CAPN13: variants seen among roughly 807,000 people sequenced by gnomAD.
The protein encoded by CAPN13 is calpain-13.
Under a neutral mutation model 98.4 loss-of-function variants are expected in CAPN13, and 90 were observed. The observed-to-expected ratio is 0.92, with a 90% confidence interval of 0.77 to 1.09. The LOEUF (loss-of-function observed/expected upper bound fraction) is 1.09, where lower values mean the gene tolerates loss of function less well. Ranked by LOEUF, CAPN13 falls within the 50% of genes least tolerant of loss-of-function variation. The pLI is 0.00. For missense variants in CAPN13, 887 were observed against 841.3 expected, an observed-to-expected ratio of 1.05 and a Z score of -0.67; for synonymous variants, 330 against 305.5, an observed-to-expected ratio of 1.08 and a Z score of -0.84.
chr2:30,732,874 GC>G (rs1307607749), intron 19 of CAPN13, among the ~76,000 whole-genome samples: 9 of 152,160 alleles, frequency 5.9e-5, no homozygotes, highest in African/African-American at 2.2e-4. Context: ...GTTGCTTCTA[GC>G]TCTGCCTCTG....
intron 8 of CAPN13, among the ~76,000 whole-genome samples, chr2:30,756,435 G>A (rs1205270001): frequency 6.6e-6 from 1 of 152,132 alleles, no homozygotes; most frequent in Admixed American, 6.5e-5. Context: ...CCAGCCCACG[G>A]GAAGCTTCTC....
chr2:30,739,092 T>C (rs1558614067), intron 15 of CAPN13, among the ~76,000 whole-genome samples: 1 of 152,176 alleles, frequency 6.6e-6, no homozygotes, highest in African/African-American at 2.4e-5. Context: ...TGGCCTCAAC[T>C]TCTGGGGCAG....
chr2:30,746,829 G>A (rs1194038327), intron 11 of CAPN13: 1 of 152,888 alleles, frequency 6.5e-6, no homozygotes, highest in Non-Finnish European at 1.5e-5. Flanking sequence ...CAAGAGGAAG[G>A]AAACTGAGGC....
At chr2:30,758,789 T>C (rs115967308) in intron 7 of CAPN13, among the ~76,000 whole-genome samples, 62,622 of 107,620 alleles carry the variant, frequency 0.58, 16,440 homozygotes, top group African/African-American at 0.66. Context: ...TCCCTCCCTT[T>C]CCTTTCCTTC....
rs138897439 is a variant in CAPN13, at chr2:30,727,107, C to T, written c.*30+3623G>A. 1.1e-4 allele frequency among the ~76,000 whole-genome samples: 16 copies of T among 152,180 alleles called. 1 individual carries two copies. Among genetic ancestry groups the T allele is most frequent in the African/African-American group, 3.6e-4 (15 of 41,522 alleles). ...ACAGGAGAATGAATAGTTTTTTCAG[C>T]AACTGGTGCTGGGACAAATGAATGA... On this transcript the variant is annotated intron_variant, in intron 22 of 22. Coordinates refer to ENST00000295055, the MANE Select transcript of CAPN13 (RefSeq NM_144575.3).
chr2:30,745,851 T>A lies in CAPN13; in HGVS notation c.1237-117A>T, dbSNP rs1353710853. On this transcript the variant is annotated intron_variant, in intron 11 of 22. Transcript: ENST00000295055. ...CCTGCATTCCTTCTCCTTTTCTTCCTCTCTTTTAAAGAATTTATTTTATAT... is the reference window on the plus strand; with the variant it reads ...CCTGCATTCCTTCTCCTTTTCTTCCACTCTTTTAAAGAATTTATTTTATAT... The A allele has an allele frequency of 6.4e-6, 5 of 775,248 alleles. No homozygotes were observed. In the East Asian group the frequency reaches 1.4e-4, roughly 22 times the overall value. 48.0% of individuals were successfully genotyped at this position (775,248 alleles called of 1,614,324 possible). A position where few individuals can be genotyped will look rare whatever the true frequency, so the allele number is the denominator to read the frequency against.
At chr2:30,798,675 A>G (rs985528732) in intron 1 of CAPN13, among the ~76,000 whole-genome samples, 2 of 152,228 alleles carry the variant, frequency 1.3e-5, no homozygotes, top group Non-Finnish European at 2.9e-5. Flanking sequence ...TTTCAGAACA[A>G]TGGAAATAAA....
At chr2:30,741,508 C>T in intron 15 of CAPN13, 1 of 1,045,088 alleles carries the variant, frequency 9.6e-7, no homozygotes, top group Non-Finnish European at 1.2e-6. Context: ...AGCAAGGATG[C>T]TGTATGTGCT....
chr2:30,764,127 C>T lies in CAPN13; in HGVS notation c.699+5G>A, dbSNP rs376404391. ...CTGGTGCAAAAGGGCTCCCCAGTGA[C>T]TTACCCCACTTGGAGTGGCACAGGT... On this transcript the variant is annotated splice_donor_5th_base_variant and intron_variant, in intron 6 of 22. Coordinates refer to ENST00000295055, the MANE Select transcript of CAPN13 (RefSeq NM_144575.3). 3.6e-5 allele frequency: 56 copies of T among 1,560,508 alleles called. No individual in the cohort carries two copies. The African/African-American group carries it at 7.2e-4, about 20-fold the overall frequency.
intron 5 of CAPN13, among the ~76,000 whole-genome samples, chr2:30,767,818 T>A (rs1431751464): frequency 6.6e-6 from 1 of 152,200 alleles, no homozygotes; most frequent in African/African-American, 2.4e-5. Context: ...AGGGGTGGAC[T>A]GTGGTGCTAT....
At chr2:30,768,720 C>G (rs1673235550) in intron 5 of CAPN13, among the ~76,000 whole-genome samples, 1 of 128,776 alleles carries the variant, frequency 7.8e-6, no homozygotes, top group Non-Finnish European at 1.5e-5. Flanking sequence ...TATCCACATT[C>G]TTTTTCTCCT....
chr2:30,727,186 A>T (rs1670886431), intron 22 of CAPN13, among the ~76,000 whole-genome samples: 1 of 152,236 alleles, frequency 6.6e-6, no homozygotes, highest in Non-Finnish European at 1.5e-5. Context: ...AAATGATCTC[A>T]AAATGGATCA....
intron 5 of CAPN13, 80 bp from the exon 6 acceptor site, chr2:30,764,386 G>T: frequency 1.3e-6 from 2 of 1,486,328 alleles, no homozygotes; most frequent in Non-Finnish European, 9.2e-7. Context: ...CTGATCCTCT[G>T]CCTATTTCCC....
rs757669159 is a variant in CAPN13 at position 30,753,236 on chromosome 2, G to A, written c.942-38C>T. 33 of 1,610,044 alleles carry A rather than the reference G, an allele frequency of 2.0e-5. No individual in the cohort carries two copies. In the South Asian group the frequency reaches 3.0e-4, roughly 15 times the overall value. On this transcript the variant is annotated intron_variant, in intron 9 of 22. Transcript: ENST00000295055. ...GATATACATCACTCAGTGACCAGGG[G>A]TTGTGTCCCCAGGGTGGGGGTTCCT...
intron 2 of CAPN13, among the ~76,000 whole-genome samples, chr2:30,784,926 C>G (rs6754583): frequency 0.51 from 76,921 of 151,994 alleles, 20,570 homozygotes; most frequent in South Asian, 0.65. Context: ...TAGGATTGGG[C>G]CAGGCTGGTG....
rs1221052053 is a variant in CAPN13, at chr2:30,801,811, C to A, written c.-33+5491G>T. On this transcript the variant is annotated intron_variant, in intron 1 of 22. Coordinates refer to ENST00000295055, the MANE Select transcript of CAPN13 (RefSeq NM_144575.3). Reference sequence around the variant, plus strand: ...TGAGATGGCCCAGACGCAGGGAGGACAAAGTCCACCAGGGGAAGGGATTCT... The same window carrying A: ...TGAGATGGCCCAGACGCAGGGAGGAAAAAGTCCACCAGGGGAAGGGATTCT... Among the ~76,000 whole-genome samples, 3 of 152,058 alleles carry A rather than the reference C, an allele frequency of 2.0e-5. No individual in the cohort carries two copies. The East Asian group carries it at 5.8e-4, about 29-fold the overall frequency.
At chr2:30,741,843 C>G (rs764998399) in intron 15 of CAPN13, 65 bp downstream of exon 15, 2 of 1,611,734 alleles carry the variant, frequency 1.2e-6, no homozygotes, top group Non-Finnish European at 1.7e-6. Flanking sequence ...CCTGTGAGAG[C>G]TGTCCCTCCC....
chr2:30,801,141 C>T (rs1031112967), intron 1 of CAPN13, among the ~76,000 whole-genome samples: 14 of 152,262 alleles, frequency 9.2e-5, no homozygotes, highest in South Asian at 4.1e-4. Context: ...CCCTCGGCTC[C>T]GGGCCTGCTC....
intron 5 of CAPN13, among the ~76,000 whole-genome samples, chr2:30,767,633 T>C (rs2148031179): frequency 6.6e-6 from 1 of 152,304 alleles, no homozygotes; most frequent in Non-Finnish European, 1.5e-5. Flanking sequence ...TGTGGATTGG[T>C]TCAACAACCT....
Sources: allele counts gnomAD v4.1 joint callset (sites outside exome capture counted in the v4.1 genomes callset), GRCh38; gene constraint gnomAD v4.1.1; transcripts MANE v1.5; gene names NCBI Gene and HGNC (gene_info 2026-07-23, HGNC 2026-07-21).